Variants in ADGRG7 observed in about 807,000 individuals in gnomAD.
ADGRG7 encodes the protein adhesion G protein-coupled receptor G7, also known as G-protein coupled receptor 128.
Under a neutral mutation model 88.6 loss-of-function variants are expected in ADGRG7, and 82 were observed. That is an observed-to-expected ratio of 0.93 (90% confidence interval 0.77 to 1.11). The LOEUF (loss-of-function observed/expected upper bound fraction) is 1.11. Ranked by LOEUF, ADGRG7 falls within the 50% of genes most tolerant of loss-of-function variation. The pLI, the probability that ADGRG7 is intolerant of heterozygous loss-of-function variation, is 0.00. For missense variants in ADGRG7, 945 were observed against 953.4 expected (o/e 0.99, Z 0.12); for synonymous variants, 381 against 345.2 (o/e 1.10, Z -1.15).
chr3:100,676,859 T>C (rs1323170170), intron 15 of ADGRG7, among the ~76,000 whole-genome samples: 1 of 152,076 alleles, frequency 6.6e-6, no homozygotes, highest in Admixed American at 6.6e-5. Context: ...TATAGTGACC[T>C]TTTTCCTTTC....
chr3:100,680,686 A>G (rs2094972088), intron 15 of ADGRG7, among the ~76,000 whole-genome samples: 1 of 152,176 alleles, frequency 6.6e-6, no homozygotes. Context: ...CTTGGAGCTA[A>G]TATTTTACTA....
At position 100,693,931 on chromosome 3, in the gene ADGRG7, C is replaced by T. The variant is rs532684585; in HGVS notation, c.2137-813C>T. On this transcript the variant is annotated intron_variant, in intron 15 of 15. Transcript: ENST00000273352. The stretch of plus-strand genomic sequence containing the variant: ...TTGCAGTCACTTTCTGTTACAGTTA[C>T]AGGCAACAGTATAGGCAGCACCGTA... 4.6e-5 allele frequency among the ~76,000 whole-genome samples: 7 copies of T among 152,304 alleles called. No individual in the cohort carries two copies. The South Asian group carries it at 1.4e-3, about 32-fold the overall frequency.
intron 1 of ADGRG7, 133 bp from the exon 2 acceptor site, chr3:100,629,465 T>C (rs1707427046): frequency 1.7e-6 from 1 of 603,990 alleles, no homozygotes; most frequent in Non-Finnish European, 3.0e-6. Flanking sequence ...TTAATGATGA[T>C]ATTACAAAGA....
chr3:100,676,182 C>A (rs1035556496), intron 15 of ADGRG7, among the ~76,000 whole-genome samples: 2 of 151,880 alleles, frequency 1.3e-5, no homozygotes, highest in South Asian at 2.1e-4. Flanking sequence ...CCTTAAGATG[C>A]ATCATTAGGT....
intron 13 of ADGRG7, among the ~76,000 whole-genome samples, chr3:100,659,209 G>A (rs1199356552): frequency 3.9e-5 from 6 of 151,940 alleles, no homozygotes; most frequent in African/African-American, 1.2e-4. Context: ...GAGGTGGGTG[G>A]ATCACGAGGT....
intron 15 of ADGRG7, among the ~76,000 whole-genome samples, chr3:100,692,427 T>C (rs189396658): frequency 1.1e-3 from 171 of 152,294 alleles, no homozygotes; most frequent in Non-Finnish European, 1.9e-3. Context: ...AGCAGGAATT[T>C]AGGGAGGAAT....
chr3:100,656,236 T>C (rs192619745), intron 13 of ADGRG7, among the ~76,000 whole-genome samples: 1 of 152,344 alleles, frequency 6.6e-6, no homozygotes, highest in Admixed American at 6.5e-5. Flanking sequence ...AACTTTCTTA[T>C]GTTAAATTTG....
intron 8 of ADGRG7, 81 bp downstream of exon 8, chr3:100,643,714 A>G (rs1481545398): frequency 2.2e-6 from 2 of 903,102 alleles, no homozygotes; most frequent in African/African-American, 1.7e-5. Context: ...TCTAGGAGAA[A>G]TAATGTCTAC....
At chr3:100,633,925 G>T (rs1450865497) in intron 4 of ADGRG7, among the ~76,000 whole-genome samples, 3 of 152,134 alleles carry the variant, frequency 2.0e-5, no homozygotes, top group Non-Finnish European at 4.4e-5. Context: ...ATTAAAAATG[G>T]CTTCATCTTT....
chr3:100,670,457 T>C (rs2094956975), intron 15 of ADGRG7, among the ~76,000 whole-genome samples: 1 of 152,238 alleles, frequency 6.6e-6, no homozygotes, highest in Non-Finnish European at 1.5e-5. Flanking sequence ...TTATGAATAG[T>C]GCTGTGAAAA....
chr3:100,662,885 A>G (rs1224195027), intron 14 of ADGRG7, among the ~76,000 whole-genome samples: 1 of 152,144 alleles, frequency 6.6e-6, no homozygotes, highest in East Asian at 1.9e-4. Flanking sequence ...AAGACACTAA[A>G]TAGGAAATAT....
Position 100,630,787 on chromosome 3 carries a change from A to C in ADGRG7, c.312A>C (p.Thr104=). 1 of 1,484,952 alleles carries C rather than the reference A, an allele frequency of 6.7e-7. No homozygotes were observed. The highest frequency in any genetic ancestry group is 8.9e-7 in the Non-Finnish European group (1 of 1,118,192). The allele number at this position is 1,484,952 out of a possible 1,614,324, so 92.0% of individuals were successfully genotyped here. The change falls in exon 3 of 16, where the codon ACA becomes ACC. Residue 104 remains threonine (T), a synonymous_variant. Transcript: ENST00000273352. ...GCAGATATGGACCATCCTTGCAAACATGTGGCAAGGATACTCCAAATGGTA... is the reference window on the plus strand; with the variant it reads ...GCAGATATGGACCATCCTTGCAAACCTGTGGCAAGGATACTCCAAATGGTA... ...PVGRYGPSLQ[T]CGKDTPNAGN...
intron 15 of ADGRG7, among the ~76,000 whole-genome samples, chr3:100,688,034 A>G (rs1168689459): frequency 6.6e-6 from 1 of 152,016 alleles, no homozygotes; most frequent in Non-Finnish European, 1.5e-5. Flanking sequence ...GTAAGCTATT[A>G]ATTATTGCCT....
Position 100,691,019 on chromosome 3 carries a change from G to A in ADGRG7, c.2137-3725G>A, listed in dbSNP as rs563115353. Among the ~76,000 whole-genome samples, 10 of 152,336 alleles carry A rather than the reference G, an allele frequency of 6.6e-5. No homozygotes were observed. In the East Asian group the frequency reaches 1.5e-3, roughly 24 times the overall value. On this transcript the variant is annotated intron_variant, in intron 15 of 15. Transcript: ENST00000273352. ...AGCTGTGGTGGGCTCCACCTAGTTC[G>A]AGCTTCCCGGTGCCTTTGTTTACCT...
rs939056058 is a variant in ADGRG7, at chr3:100,655,748, G to A, written c.1727-151G>A. 43 of 521,234 alleles carry A rather than the reference G, an allele frequency of 8.2e-5. No homozygotes were observed. In the Admixed American group the frequency reaches 1.1e-3, roughly 13 times the overall value. The allele number at this position is 521,234 out of a possible 1,614,324, so 32.3% of individuals were successfully genotyped here. A position where few individuals can be genotyped will look rare whatever the true frequency, so the allele number is the denominator to read the frequency against. On this transcript the variant is annotated intron_variant, in intron 12 of 15. Transcript: ENST00000273352. ...TTGGAGAAAAATTATGTCCACTGTC[G>A]ACCCACATCTGTAGGATCACTTTGT...
At position 100,659,668 on chromosome 3, in the gene ADGRG7, A is replaced by ATTT. The variant is rs561068825; in HGVS notation, c.1824-12_1824-10dup. On this transcript the variant is annotated intron_variant, in intron 13 of 15. Coordinates refer to ENST00000273352, the MANE Select transcript of ADGRG7 (RefSeq NM_032787.3). ...ATACCTTTCTTAGTCTGCTGAAGCA[A>ATTT]TTTTTTTTTTCCTCCACAGCTGCTG... 2.0e-6 allele frequency: 3 copies of ATTT among 1,514,408 alleles called. No individual in the cohort carries two copies. Among genetic ancestry groups the ATTT allele is most frequent in the South Asian group, 1.2e-5 (1 of 82,912 alleles). 93.8% of individuals were successfully genotyped at this position (1,514,408 alleles called of 1,614,324 possible).
intron 15 of ADGRG7, among the ~76,000 whole-genome samples, chr3:100,688,457 A>G (rs1343382539): frequency 2.0e-5 from 3 of 151,890 alleles, no homozygotes; most frequent in African/African-American, 7.3e-5. Context: ...TAGTTCTTTT[A>G]GTTGTGATGT....
chr3:100,683,350 C>T (rs550128780), intron 15 of ADGRG7, among the ~76,000 whole-genome samples: 1 of 152,280 alleles, frequency 6.6e-6, no homozygotes, highest in South Asian at 2.1e-4. Context: ...GAGCCCAGAC[C>T]TAGGAACTCC....
At chr3:100,684,220 T>C (rs1337685654) in intron 15 of ADGRG7, among the ~76,000 whole-genome samples, 3 of 151,620 alleles carry the variant, frequency 2.0e-5, no homozygotes, top group Admixed American at 6.6e-5. Flanking sequence ...TATTTAGATT[T>C]GTTTTTGATA....
Sources: gnomAD v4.1 joint callset for allele counts (sites outside exome capture counted in the v4.1 genomes callset) on GRCh38, gnomAD v4.1.1 for gene constraint, MANE v1.5 for transcripts, NCBI Gene and HGNC (gene_info 2026-07-23, HGNC 2026-07-21) for gene names.